KCNK2: variants seen among roughly 807,000 people sequenced by gnomAD.
KCNK2 encodes potassium two pore domain channel subfamily K member 2, also known as potassium channel subfamily K member 2.
KCNK2 carries 21 observed loss-of-function variants against 40.5 expected under a neutral mutation model. The observed-to-expected ratio is 0.52, with a 90% CI of 0.37 to 0.75. KCNK2 has a LOEUF of 0.75. KCNK2 is among the 30% of genes least tolerant of loss of function. The pLI, the probability that KCNK2 is intolerant of heterozygous loss-of-function variation, is 0.00. For missense variants in KCNK2, 399 were observed against 531.6 expected, an observed-to-expected ratio of 0.75 and a Z score of 2.45; for synonymous variants, 191 against 202.2, an observed-to-expected ratio of 0.94 and a Z score of 0.47.
At chr1:215,034,526 T>C (rs1160623865) in intron 1 of KCNK2, among the ~76,000 whole-genome samples, 1 of 152,108 alleles carries the variant, frequency 6.6e-6, no homozygotes, top group Admixed American at 6.6e-5. Context: ...TTTATCATTT[T>C]ACAGTATCAC....
chr1:215,053,124 C>A (rs1166824703), intron 1 of KCNK2, among the ~76,000 whole-genome samples: 1 of 151,968 alleles, frequency 6.6e-6, no homozygotes, highest in Non-Finnish European at 1.5e-5. Context: ...GATATATGTG[C>A]AGGACGTGCA....
At chr1:215,234,453 T>C (rs1201134229) in intron 6 of KCNK2, among the ~76,000 whole-genome samples, 1 of 152,196 alleles carries the variant, frequency 6.6e-6, no homozygotes, top group Non-Finnish European at 1.5e-5. Flanking sequence ...TACATTCCAA[T>C]ACTTCTTGAA....
intron 1 of KCNK2, among the ~76,000 whole-genome samples, chr1:215,071,981 G>A (rs929680444): frequency 6.6e-6 from 1 of 152,130 alleles, no homozygotes; most frequent in African/African-American, 2.4e-5. Context: ...TGTTCAACAT[G>A]GAGTTTTGTA....
intron 1 of KCNK2, among the ~76,000 whole-genome samples, chr1:215,009,448 A>G (rs1656299086): frequency 6.6e-6 from 1 of 152,124 alleles, no homozygotes. Flanking sequence ...AACCATTTAC[A>G]TATATATATC....
At chr1:215,095,116 C>T (rs944974717) in intron 2 of KCNK2, among the ~76,000 whole-genome samples, 1 of 152,038 alleles carries the variant, frequency 6.6e-6, no homozygotes, top group African/African-American at 2.4e-5. Context: ...TATTTTATCA[C>T]ATATTTGTAT....
chr1:215,149,211 G>C (rs1662575372), intron 3 of KCNK2, among the ~76,000 whole-genome samples: 1 of 152,202 alleles, frequency 6.6e-6, no homozygotes, highest in Admixed American at 6.5e-5. Flanking sequence ...GGAGAATGGA[G>C]GGGTTGTGGT....
At chr1:215,050,378 A>T (rs1657943136) in intron 1 of KCNK2, among the ~76,000 whole-genome samples, 1 of 152,192 alleles carries the variant, frequency 6.6e-6, no homozygotes, top group African/African-American at 2.4e-5. Context: ...GTGTCATGTC[A>T]TAACTATTCA....
chr1:215,057,894 A>G (rs777069895), intron 1 of KCNK2, among the ~76,000 whole-genome samples: 2 of 152,140 alleles, frequency 1.3e-5, no homozygotes, highest in African/African-American at 2.4e-5. Context: ...GCAAGAAATA[A>G]TTCAGACAAT....
intron 3 of KCNK2, among the ~76,000 whole-genome samples, chr1:215,142,012 CT>C (rs1304334732): frequency 6.6e-6 from 1 of 151,984 alleles, no homozygotes; most frequent in African/African-American, 2.4e-5. Flanking sequence ...TCTTCCATTA[CT>C]TTTTTTCTGT....
At chr1:215,145,710 A>G (rs933474484) in intron 3 of KCNK2, among the ~76,000 whole-genome samples, 4 of 152,184 alleles carry the variant, frequency 2.6e-5, no homozygotes, top group Admixed American at 6.5e-5. Flanking sequence ...ATACAACATC[A>G]AATTATATTG....
chr1:215,050,379 T>C (rs1657943305), intron 1 of KCNK2, among the ~76,000 whole-genome samples: 1 of 152,200 alleles, frequency 6.6e-6, no homozygotes, highest in African/African-American at 2.4e-5. Flanking sequence ...TGTCATGTCA[T>C]AACTATTCAT....
At position 215,195,787 on chromosome 1, in the gene KCNK2, T is replaced by A. The variant is rs17614461; in HGVS notation, c.963+695T>A. Among the ~76,000 whole-genome samples, 1,419 of 152,334 alleles carry A rather than the reference T, an allele frequency of 9.3e-3. 20 individuals are homozygous for A. The highest frequency in any genetic ancestry group is 0.029 in the Admixed American group (446 of 15,298). ...TTCATATTTACATATCCAGGATCACTATTAGTTTGAATGTGACAGGGTAAT... is the reference window on the plus strand; with the variant it reads ...TTCATATTTACATATCCAGGATCACAATTAGTTTGAATGTGACAGGGTAAT... On this transcript the variant is annotated intron_variant, in intron 6 of 6. Coordinates refer to ENST00000444842, the MANE Select transcript of KCNK2 (RefSeq NM_001017425.3).
chr1:215,007,516 G>T (rs1425523851), intron 1 of KCNK2, among the ~76,000 whole-genome samples: 1 of 151,922 alleles, frequency 6.6e-6, no homozygotes, highest in African/African-American at 2.4e-5. Flanking sequence ...GAGAGGTTAG[G>T]TCAAGCTACA....
chr1:215,055,766 G>A (rs1014612452), intron 1 of KCNK2, among the ~76,000 whole-genome samples: 1 of 152,184 alleles, frequency 6.6e-6, no homozygotes, highest in Non-Finnish European at 1.5e-5. Context: ...GGAATGCTTG[G>A]CACCTGCCAT....
rs934831760 is a variant in KCNK2, at chr1:215,122,890, G to A, written c.358-1743G>A. Among the ~76,000 whole-genome samples the A allele has an allele frequency of 2.2e-4, 33 of 151,508 alleles. 1 individual carries two copies. The highest frequency in any genetic ancestry group is 5.6e-4 in the African/African-American group (23 of 41,256). ...CTCCCGAGTAGCTGGGACTACAGGC[G>A]CCCGCTACCACGCTCGGCTAGTTTT... is the stretch of plus-strand genomic sequence containing the variant. On this transcript the variant is annotated intron_variant, in intron 2 of 6. Coordinates refer to ENST00000444842, the MANE Select transcript of KCNK2 (RefSeq NM_001017425.3).
chr1:215,055,976 G>A (rs1405756653), intron 1 of KCNK2, among the ~76,000 whole-genome samples: 1 of 152,120 alleles, frequency 6.6e-6, no homozygotes, highest in Non-Finnish European at 1.5e-5. Context: ...AAAGCCTAAG[G>A]TCACCTCAAA....
chr1:215,116,460 G>A (rs1453779301), intron 2 of KCNK2, among the ~76,000 whole-genome samples: 1 of 151,952 alleles, frequency 6.6e-6, no homozygotes, highest in Non-Finnish European at 1.5e-5. Flanking sequence ...CATGGTTTCT[G>A]GCCCTTCAAT....
At chr1:215,190,279 G>C (rs983898408) in intron 5 of KCNK2, among the ~76,000 whole-genome samples, 1 of 152,178 alleles carries the variant, frequency 6.6e-6, no homozygotes, top group African/African-American at 2.4e-5. Flanking sequence ...GTGGAATGAT[G>C]CTTGTCCTCA....
At chr1:215,068,842 T>G (rs1327163618) in intron 1 of KCNK2, among the ~76,000 whole-genome samples, 1 of 151,450 alleles carries the variant, frequency 6.6e-6, no homozygotes, top group Non-Finnish European at 1.5e-5. Flanking sequence ...CCTTATTGTG[T>G]TTATTTGTTA....
Sources: allele counts gnomAD v4.1 joint callset (sites outside exome capture counted in the v4.1 genomes callset), GRCh38; gene constraint gnomAD v4.1.1; transcripts MANE v1.5; gene names NCBI Gene and HGNC (gene_info 2026-07-23, HGNC 2026-07-21).